The following ATP2A3 variants were observed in gnomAD, a reference collection of about 807,000 sequenced individuals.
ATP2A3 encodes sarcoplasmic/endoplasmic reticulum calcium ATPase 3.
Under a neutral mutation model 106.8 loss-of-function variants are expected in ATP2A3, and 61 were observed. The observed-to-expected ratio is 0.57, with a 90% CI of 0.46 to 0.71. The LOEUF is 0.71. Among genes scored for constraint, ATP2A3 ranks in the 30% least tolerant of loss-of-function variants. The pLI is 0.00. For missense variants in ATP2A3, 1,201 were observed against 1,423.5 expected (o/e 0.84, Z 2.52); for synonymous variants, 611 against 609.3 (o/e 1.00, Z -0.04).
chr17:3,936,928 T>C lies in ATP2A3; in HGVS notation c.2322-459A>G. ...ACCATTCCCCACAGGCATCCTCACA[T>C]GTGAATACGAGTGTGTGCACAGTCA... is the stretch of plus-strand genomic sequence containing the variant. On this transcript the variant is annotated intron_variant, in intron 15 of 20. Transcript: ENST00000397041. The surrounding 1 kb of genome is among the most constrained non-coding windows in gnomAD (Gnocchi z 5.4). 1 of 325,346 alleles carries C rather than the reference T, an allele frequency of 3.1e-6. No homozygotes were observed. Among genetic ancestry groups the C allele is most frequent in the Non-Finnish European group, 6.0e-6 (1 of 166,926 alleles). 20.2% of individuals were successfully genotyped at this position (325,346 alleles called of 1,614,324 possible).
At chr17:3,951,558 G>GCCCCCCCCCGCC in intron 4 of ATP2A3, 23 bp downstream of exon 4, 1 of 716,226 alleles carries the variant, frequency 1.4e-6, no homozygotes, top group Non-Finnish European at 2.1e-6. Flanking sequence ...CCCCCGCCCG[G>GCCCCCCCCCGCC]TCCCACCCCC....
At chr17:3,941,737 A>C (rs2053792221) in intron 12 of ATP2A3, 83 bp from the exon 13 acceptor site, 2 of 1,461,396 alleles carry the variant, frequency 1.4e-6, no homozygotes, top group Non-Finnish European at 1.9e-6. Context: ...GGAAACTGAG[A>C]CTAAGATACG....
Position 3,930,199 on chromosome 17 carries a change from C to A in ATP2A3, c.2744+102G>T, listed in dbSNP as rs1395993763. 1 of 1,151,556 alleles carries A rather than the reference C, an allele frequency of 8.7e-7. No individual in the cohort carries two copies. Among genetic ancestry groups the A allele is most frequent in the Non-Finnish European group, 1.1e-6 (1 of 892,688 alleles). 71.3% of individuals were successfully genotyped at this position (1,151,556 alleles called of 1,614,324 possible). ...CTCGGCCCCAGCTCCAGGCCCTGCG[C>A]CCAGCCCACCTGGACCCCTGACCCT... On this transcript the variant is annotated intron_variant, in intron 18 of 20. Transcript: ENST00000397041. The surrounding 1 kb of genome is among the most constrained non-coding windows in gnomAD (Gnocchi z 5.4).
At chr17:3,934,230 T>C (rs920379582) in intron 17 of ATP2A3, among the ~76,000 whole-genome samples, 7 of 151,134 alleles carry the variant, frequency 4.6e-5, no homozygotes, top group African/African-American at 1.7e-4. Context: ...GGATGTGTTC[T>C]TTTTTTTTCT....
Position 3,928,336 on chromosome 17 carries a change from A to G in ATP2A3, c.2980+327T>C. On this transcript the variant is annotated intron_variant, in intron 20 of 20. Coordinates refer to ENST00000397041, the MANE Select transcript of ATP2A3 (RefSeq NM_005173.4). The surrounding 1 kb of genome is among the most constrained non-coding windows in gnomAD (Gnocchi z 6.1). ...GCCTGGATAAAGACAGGCTGGGTGC[A>G]GAGGGGTCAGAGGCTGAGGCCCAGA... 2 of 1,611,438 alleles carry G rather than the reference A, an allele frequency of 1.2e-6. No homozygotes were observed. The highest frequency in any genetic ancestry group is 2.2e-5 in the South Asian group (2 of 90,954).
chr17:3,964,232 G>C lies in ATP2A3; in HGVS notation c.60C>G (p.Ala20=). Residue 20 remains alanine, a synonymous_variant, in exon 1 of 21, where the codon GCC becomes GCG. Coordinates refer to ENST00000397041, the MANE Select transcript of ATP2A3 (RefSeq NM_005173.4). ...ADVLRHFSVT[A]EGGLSPAQVT... The stretch of plus-strand genomic sequence containing the variant: ...CCTGCGCCGGGCTCAGGCCGCCCTC[G>C]GCTGTCACCGAGAAGTGGCGCAGCA... 1 of 1,280,894 alleles carries C rather than the reference G, an allele frequency of 7.8e-7. No individual in the cohort carries two copies. The highest frequency in any genetic ancestry group is 1.0e-6 in the Non-Finnish European group (1 of 1,001,884). The allele number at this position is 1,280,894 out of a possible 1,614,324, so 79.3% of individuals were successfully genotyped here. A position where few individuals can be genotyped will look rare whatever the true frequency, so the allele number is the denominator to read the frequency against.
Position 3,925,382 on chromosome 17 carries a change from T to C in ATP2A3, c.*40A>G. ...GAGGCGAACACATGGGCACCATCAGTCTGAGGTACACACCGGAGACTCCAC... is the reference window on the plus strand; with the variant it reads ...GAGGCGAACACATGGGCACCATCAGCCTGAGGTACACACCGGAGACTCCAC... On this transcript the variant is annotated 3_prime_UTR_variant, in exon 21 of 21. Transcript: ENST00000397041. This position sits in a 1 kb window ranked among gnomAD's most constrained non-coding sequence, Gnocchi z 4.2. The C allele has an allele frequency of 6.2e-7, 1 of 1,613,798 alleles. No individual in the cohort carries two copies. The highest frequency in any genetic ancestry group is 8.5e-7 in the Non-Finnish European group (1 of 1,179,918).
intron 15 of ATP2A3, 25 bp downstream of exon 15, chr17:3,937,391 G>C (rs763297941): frequency 6.2e-7 from 1 of 1,602,676 alleles, no homozygotes; most frequent in South Asian, 1.1e-5. Flanking sequence ...TGAGAGGGCT[G>C]AGAGGAGGGA....
At chr17:3,963,591 C>T (rs1487188373) in intron 1 of ATP2A3, among the ~76,000 whole-genome samples, 1 of 152,244 alleles carries the variant, frequency 6.6e-6, no homozygotes, top group African/African-American at 2.4e-5. Flanking sequence ...AGGTGGGTCT[C>T]CCGCCTCAGC....
chr17:3,938,521 G>A (rs1015708036), intron 14 of ATP2A3, among the ~76,000 whole-genome samples: 2 of 152,092 alleles, frequency 1.3e-5, no homozygotes, highest in Admixed American at 6.5e-5. Context: ...TTGAGAATAA[G>A]GTCTTGGTCC....
In ATP2A3 at chr17:3,925,933, GCCGAAAT is replaced by G. The variant is rs930136951; in HGVS notation, c.2981-499_2981-493del. On this transcript the variant is annotated intron_variant, in intron 20 of 20. Transcript: ENST00000397041. This position sits in a 1 kb window ranked among gnomAD's most constrained non-coding sequence, Gnocchi z 4.2. ...CTTCTGCCCCTAGCATCAAGCAAAA[GCCGAAAT>G]CCAGTCCCAACACCCCATTTCATGG... 6.6e-6 allele frequency among the ~76,000 whole-genome samples: 1 copy of G among 151,944 alleles called. No individual in the cohort carries two copies. Among genetic ancestry groups the G allele is most frequent in the Non-Finnish European group, 1.5e-5 (1 of 67,994 alleles).
rs755562466 is a variant in ATP2A3 at position 3,947,365 on chromosome 17, G to A, written c.1095+26C>T. 18 of 1,613,238 alleles carry A rather than the reference G, an allele frequency of 1.1e-5. No individual in the cohort carries two copies. Among genetic ancestry groups the A allele is most frequent in the Non-Finnish European group, 1.4e-5 (17 of 1,179,820 alleles). The stretch of plus-strand genomic sequence containing the variant: ...AGCCCAGCCTGCTCTGCAACGCACA[G>A]CAACACCAAGCTGGCCGTCACTCAC... On this transcript the variant is annotated intron_variant, in intron 8 of 20. Transcript: ENST00000397041. The surrounding 1 kb of genome is among the most constrained non-coding windows in gnomAD (Gnocchi z 7.7).
Position 3,925,602 on chromosome 17 carries a change from C to G in ATP2A3, c.2981-161G>C, listed in dbSNP as rs2052664611. ...TCAGTCTACCCCAGCCCCACCGGAC[C>G]CCCCAAGCTGCATCCAGGATCCATC... On this transcript the variant is annotated intron_variant, in intron 20 of 20. Coordinates refer to ENST00000397041, the MANE Select transcript of ATP2A3 (RefSeq NM_005173.4). The surrounding 1 kb of genome is among the most constrained non-coding windows in gnomAD (Gnocchi z 4.2). Among the ~76,000 whole-genome samples the G allele has an allele frequency of 1.3e-5, 2 of 151,758 alleles. No homozygotes were observed. The highest frequency in any genetic ancestry group is 4.8e-5 in the African/African-American group (2 of 41,276).
intron 17 of ATP2A3, among the ~76,000 whole-genome samples, chr17:3,931,748 C>G (rs960576326): frequency 6.6e-6 from 1 of 152,138 alleles, no homozygotes. Flanking sequence ...GTCTAGAACT[C>G]CTGACCTCGT....
At position 3,928,016 on chromosome 17, in the gene ATP2A3, G is replaced by C. The variant is rs868053250; in HGVS notation, c.2980+647C>G. ...TCCCTCTCTGAGCAGCTCTGACAGC[G>C]AGACGATGCTGTGTCCCTGGCCCTT... On this transcript the variant is annotated intron_variant, in intron 20 of 20. Transcript: ENST00000397041. The surrounding 1 kb of genome is among the most constrained non-coding windows in gnomAD (Gnocchi z 6.1). 1.1e-5 allele frequency: 17 copies of C among 1,613,932 alleles called. No homozygotes were observed. The Admixed American group carries it at 2.7e-4, about 25-fold the overall frequency.
rs2052870238 is a variant in ATP2A3, at chr17:3,928,838, A to C, written c.2863-58T>G. 2.9e-6 allele frequency: 4 copies of C among 1,390,654 alleles called. No individual in the cohort carries two copies. In the South Asian group the frequency reaches 3.8e-5, roughly 13 times the overall value. 86.1% of individuals were successfully genotyped at this position (1,390,654 alleles called of 1,614,324 possible). A position where few individuals can be genotyped will look rare whatever the true frequency, so the allele number is the denominator to read the frequency against. On this transcript the variant is annotated intron_variant, in intron 19 of 20. Transcript: ENST00000397041. The surrounding 1 kb of genome is among the most constrained non-coding windows in gnomAD (Gnocchi z 6.1). Reference sequence around the variant, plus strand: ...GGAAGGACTGGCTGTCCCGTGCCCCAGCCATCTGCTGGCCTTATCCACCTG... The same window carrying C: ...GGAAGGACTGGCTGTCCCGTGCCCCCGCCATCTGCTGGCCTTATCCACCTG...
chr17:3,936,599 GC>G lies in ATP2A3; in HGVS notation c.2322-131del. 3.1e-6 allele frequency: 3 copies of G among 969,996 alleles called. No individual in the cohort carries two copies. The South Asian group carries it at 4.1e-5, about 13-fold the overall frequency. The allele number at this position is 969,996 out of a possible 1,614,324, so 60.1% of individuals were successfully genotyped here. A position where few individuals can be genotyped will look rare whatever the true frequency, so the allele number is the denominator to read the frequency against. On this transcript the variant is annotated intron_variant, in intron 15 of 20. Transcript: ENST00000397041. This position sits in a 1 kb window ranked among gnomAD's most constrained non-coding sequence, Gnocchi z 5.4. Reference sequence around the variant, plus strand: ...CTCCACAGCAGCCCCTCCTCCCTCCGCCAGCTGTGATGTGAAGGGTGTGTGT... The same window carrying G: ...CTCCACAGCAGCCCCTCCTCCCTCCGCAGCTGTGATGTGAAGGGTGTGTGT...
rs2144252063 is a variant in ATP2A3, at chr17:3,930,226, A to C, written c.2744+75T>G. ...CAGCCCACCTGGACCCCTGACCCTC[A>C]GACACTGATACTGGAACCCCCAGCC... On this transcript the variant is annotated intron_variant, in intron 18 of 20. Transcript: ENST00000397041. This position sits in a 1 kb window ranked among gnomAD's most constrained non-coding sequence, Gnocchi z 5.4. 5.1e-6 allele frequency: 6 copies of C among 1,174,076 alleles called. No individual in the cohort carries two copies. The highest frequency in any genetic ancestry group is 3.0e-5 in the Admixed American group (1 of 33,642). 72.7% of individuals were successfully genotyped at this position (1,174,076 alleles called of 1,614,324 possible).
rs769613005 is a variant in ATP2A3 at position 3,951,313 on chromosome 17, C to A, written c.401G>T (p.Arg134Leu). Residue 134 changes from arginine (R) to leucine (L), a missense_variant, in exon 5 of 21, where the codon CGC becomes CTC. By Grantham distance (102) the Arg-to-Leu change is moderately radical. Transcript: ENST00000397041. Reference sequence around the variant, plus strand: ...GGCACGGATCCTCTGCACGCCCTTGCGGTCCGAGCGGATCACCTTGCCCAT... The same window carrying A: ...GGCACGGATCCTCTGCACGCCCTTGAGGTCCGAGCGGATCACCTTGCCCAT... ...PEMGKVIRSD[R>L]KGVQRIRARD... 6.2e-7 allele frequency: 1 copy of A among 1,613,780 alleles called. No individual in the cohort carries two copies. The highest frequency in any genetic ancestry group is 8.5e-7 in the Non-Finnish European group (1 of 1,180,002).
Sources: allele counts gnomAD v4.1 joint callset (sites outside exome capture counted in the v4.1 genomes callset), GRCh38; gene constraint gnomAD v4.1.1; non-coding constraint Gnocchi (gnomAD v3.1); transcripts MANE v1.5; gene names NCBI Gene and HGNC (gene_info 2026-07-23, HGNC 2026-07-21).